The following MAP4 variants were observed in gnomAD, a reference collection of about 807,000 sequenced individuals.
MAP4 encodes microtubule associated protein 4.
Under a neutral mutation model 170.2 loss-of-function variants are expected in MAP4, and 76 were observed. The ratio of observed to expected loss-of-function variants is 0.45; its 90% CI spans 0.37 to 0.54. The LOEUF is 0.54. Among genes scored for constraint, MAP4 ranks in the 20% least tolerant of loss-of-function variants. MAP4 has a pLI of 0.00. For synonymous variants in MAP4, 909 were observed against 994.5 expected (o/e 0.91, Z 1.62); for missense variants, 2,506 against 2,748.0 (o/e 0.91, Z 1.97).
intron 3 of MAP4, among the ~76,000 whole-genome samples, chr3:47,934,696 C>CTTGTTTTT (rs1276354103): frequency 3.3e-5 from 5 of 152,158 alleles, no homozygotes; most frequent in Non-Finnish European, 7.4e-5. Context: ...CAGCTCTTTC[C>CTTGTTTTT]TTGTTTTTTT....
At chr3:48,057,533 C>T (rs549782246) in intron 1 of MAP4, among the ~76,000 whole-genome samples, 2 of 138,096 alleles carry the variant, frequency 1.4e-5, no homozygotes, top group African/African-American at 2.7e-5. Flanking sequence ...TGTTTATCTG[C>T]TGACCTTCCC....
chr3:48,040,853 C>T (rs2100121288), intron 1 of MAP4, among the ~76,000 whole-genome samples: 2 of 152,122 alleles, frequency 1.3e-5, no homozygotes, highest in South Asian at 2.1e-4. Flanking sequence ...GCGTGCGCCA[C>T]CACATCCAGC....
At chr3:47,883,146 T>G (rs1293118938) in intron 10 of MAP4, among the ~76,000 whole-genome samples, 1 of 152,156 alleles carries the variant, frequency 6.6e-6, no homozygotes, top group Non-Finnish European at 1.5e-5. Flanking sequence ...CTTCATAGAT[T>G]AAGCACTACA....
chr3:47,945,002 G>C (rs1263675096), intron 3 of MAP4, among the ~76,000 whole-genome samples: 2 of 150,578 alleles, frequency 1.3e-5, no homozygotes, highest in Non-Finnish European at 3.0e-5. Context: ...AATGATCTGG[G>C]GTTTGCTTCC....
chr3:48,073,438 C>G (rs889732175), intron 1 of MAP4, among the ~76,000 whole-genome samples: 1 of 151,276 alleles, frequency 6.6e-6, no homozygotes, highest in Non-Finnish European at 1.5e-5. Flanking sequence ...ATGGAGAAAC[C>G]CCGACTCTAC....
intron 1 of MAP4, among the ~76,000 whole-genome samples, chr3:48,011,955 C>G (rs2100105508): frequency 6.6e-6 from 1 of 152,188 alleles, no homozygotes; most frequent in Admixed American, 6.5e-5. Flanking sequence ...GGCGGGTCCT[C>G]AGTGAAACCC....
chr3:48,061,903 C>T (rs1193085129), intron 1 of MAP4, among the ~76,000 whole-genome samples: 1 of 150,250 alleles, frequency 6.7e-6, no homozygotes, highest in African/African-American at 2.4e-5. Context: ...CGCCCGGCCG[C>T]CACCCCGTCC....
intron 10 of MAP4, among the ~76,000 whole-genome samples, chr3:47,881,384 C>T (rs2096673150): frequency 1.4e-5 from 2 of 140,960 alleles, no homozygotes; most frequent in Admixed American, 7.3e-5. Context: ...CCCAGCGAGT[C>T]AAGCCTGCTG....
intron 12 of MAP4, 48 bp downstream of exon 12, chr3:47,875,637 T>G (rs1191544991): frequency 1.5e-5 from 23 of 1,507,536 alleles, no homozygotes; most frequent in Non-Finnish European, 2.1e-5. Context: ...TATCTGACAC[T>G]CAGAGGGGAA....
chr3:47,947,488 G>C (rs2100060841), intron 3 of MAP4, among the ~76,000 whole-genome samples: 3 of 152,068 alleles, frequency 2.0e-5, no homozygotes, highest in Non-Finnish European at 2.9e-5. Context: ...GGGAGGAAAG[G>C]CCAAATCATC....
chr3:48,008,712 G>A (rs918564531), intron 1 of MAP4, among the ~76,000 whole-genome samples: 6 of 152,184 alleles, frequency 3.9e-5, no homozygotes, highest in Non-Finnish European at 8.8e-5. Context: ...TGGATAGGAT[G>A]ACCCATTTTG....
At chr3:47,885,541 AG>A (rs2097437003) in intron 10 of MAP4, among the ~76,000 whole-genome samples, 1 of 152,098 alleles carries the variant, frequency 6.6e-6, no homozygotes, top group South Asian at 2.1e-4. Flanking sequence ...TTTACAGGGG[AG>A]GAGCAGAAAA....
Position 47,922,921 on chromosome 3 carries a change from G to A in MAP4, c.416-1043C>T, listed in dbSNP as rs141731345. Among the ~76,000 whole-genome samples the A allele has an allele frequency of 8.1e-4, 123 of 152,180 alleles. 1 individual carries two copies. The East Asian group carries it at 0.022, about 27-fold the overall frequency. On this transcript the variant is annotated intron_variant, in intron 4 of 20. Coordinates refer to ENST00000683076, the MANE Select transcript of MAP4 (RefSeq NM_001385682.1). ...AAAAATTAGTCAGGCGTGGTGGCAC[G>A]TGCCTGTAGTCCCAGCTACCCGGGA...
At chr3:48,088,410 C>T (rs1244857448) in intron 1 of MAP4, among the ~76,000 whole-genome samples, 4 of 152,178 alleles carry the variant, frequency 2.6e-5, no homozygotes, top group African/African-American at 9.6e-5. Context: ...CCTACACCTC[C>T]GAACCCCACC....
intron 3 of MAP4, chr3:47,974,985 C>T: frequency 4.1e-6 from 4 of 987,212 alleles, no homozygotes; most frequent in Non-Finnish European, 3.6e-6. Flanking sequence ...AGGAAATTCG[C>T]TGCAGTACTG....
intron 1 of MAP4, among the ~76,000 whole-genome samples, chr3:48,032,229 G>C (rs2100116535): frequency 6.6e-6 from 1 of 151,980 alleles, no homozygotes. Context: ...TAAAAATTAA[G>C]GAAATCTAAA....
chr3:47,888,512 A>G lies in MAP4; in HGVS notation c.5435-10989T>C, dbSNP rs1325304527. On this transcript the variant is annotated intron_variant, in intron 10 of 20. Transcript: ENST00000683076. Reference sequence around the variant, plus strand: ...TGTAACACTCACTGCCAAGGTCTGCAGCTTCACTCCTGAGCCAGCAAGACC... The same window carrying G: ...TGTAACACTCACTGCCAAGGTCTGCGGCTTCACTCCTGAGCCAGCAAGACC... Among the ~76,000 whole-genome samples, 5 of 152,112 alleles carry G rather than the reference A, an allele frequency of 3.3e-5. No individual in the cohort carries two copies. In the East Asian group the frequency reaches 9.6e-4, roughly 29 times the overall value.
intron 4 of MAP4, among the ~76,000 whole-genome samples, chr3:47,922,246 G>A (rs1221025928): frequency 1.3e-5 from 2 of 152,110 alleles, no homozygotes; most frequent in Non-Finnish European, 2.9e-5. Context: ...ACCATGCCTG[G>A]CCAATATTTC....
intron 3 of MAP4, chr3:47,974,286 G>T: frequency 1.6e-5 from 5 of 316,318 alleles, no homozygotes; most frequent in Non-Finnish European, 2.3e-5. Context: ...ATTAGCTGGT[G>T]TGGTGGCGCA....
Sources: allele counts gnomAD v4.1 joint callset (sites outside exome capture counted in the v4.1 genomes callset), GRCh38; gene constraint gnomAD v4.1.1; transcripts MANE v1.5; gene names NCBI Gene and HGNC (gene_info 2026-07-23, HGNC 2026-07-21).